Variants in PPIL2 observed in about 807,000 individuals in gnomAD.
The protein encoded by PPIL2 is peptidylprolyl isomerase like 2, also known as RING-type E3 ubiquitin-protein ligase PPIL2.
In PPIL2, 50 loss-of-function variants were observed where a neutral mutation model predicts 75.2. The observed-to-expected ratio is 0.66, with a 90% CI of 0.53 to 0.84. PPIL2 has a LOEUF of 0.84. Among genes scored for constraint, PPIL2 ranks in the 40% least tolerant of loss-of-function variants. PPIL2 has a pLI of 0.00. For synonymous variants in PPIL2, 245 were observed against 258.8 expected (o/e 0.95, Z 0.51); for missense variants, 590 against 685.0 (o/e 0.86, Z 1.55).
Position 21,687,550 on chromosome 22 carries a change from C to CAAAAAA in PPIL2, c.898-77_898-72dup, listed in dbSNP as rs36108489. ...CCTGGGCAACAGCAAGACTCCACCT[C>CAAAAAA]AAAAAAAAAAAAAAAAAAAAAGCCT... On this transcript the variant is annotated intron_variant, in intron 12 of 19. Coordinates refer to ENST00000398831, the MANE Select transcript of PPIL2 (RefSeq NM_014337.4). The CAAAAAA allele has an allele frequency of 4.2e-5, 13 of 306,530 alleles. 1 individual carries two copies. The highest frequency in any genetic ancestry group is 8.5e-4 in the Middle Eastern group (1 of 1,180). The allele number at this position is 306,530 out of a possible 1,614,324, so 19.0% of individuals were successfully genotyped here. A position where few individuals can be genotyped will look rare whatever the true frequency, so the allele number is the denominator to read the frequency against.
intron 6 of PPIL2, among the ~76,000 whole-genome samples, chr22:21,678,645 C>T (rs966336506): frequency 7.2e-5 from 11 of 152,228 alleles, no homozygotes; most frequent in Non-Finnish European, 1.5e-4. Flanking sequence ...CTGTGCAGTT[C>T]TGTCTTTGCT....
intron 15 of PPIL2, among the ~76,000 whole-genome samples, chr22:21,692,422 G>A (rs1426516977): frequency 7.2e-5 from 11 of 151,818 alleles, no homozygotes; most frequent in African/African-American, 2.4e-4. Context: ...CCAAAGTGCT[G>A]GGATTACAGG....
At chr22:21,693,898 TG>T (rs749056128) in intron 16 of PPIL2, 26 bp downstream of exon 16, 14 of 1,526,030 alleles carry the variant, frequency 9.2e-6, no homozygotes, top group Non-Finnish European at 1.3e-5. Flanking sequence ...GTGTGAAGCC[TG>T]GGGGGTCAGT....
chr22:21,675,227 T>G (rs2066789924), intron 6 of PPIL2, 112 bp downstream of exon 6: 6 of 1,059,506 alleles, frequency 5.7e-6, no homozygotes, highest in Middle Eastern at 2.3e-4. Flanking sequence ...GCTAGACACC[T>G]GCTTTTAATT....
chr22:21,688,791 A>G lies in PPIL2; in HGVS notation c.1081A>G (p.Thr361Ala). 6.2e-7 allele frequency: 1 copy of G among 1,614,142 alleles called. No individual in the cohort carries two copies. Among genetic ancestry groups the G allele is most frequent in the Non-Finnish European group, 8.5e-7 (1 of 1,180,026 alleles). ...KDEFRPNLSHTGRGILSMANS... is the reference protein window; with the variant it reads ...KDEFRPNLSHAGRGILSMANS... Reference sequence around the variant, plus strand: ...CGAGTTCCGGCCCAACCTCTCGCACACGGGCCGCGGCATCCTCAGCATGGC... The same window carrying G: ...CGAGTTCCGGCCCAACCTCTCGCACGCGGGCCGCGGCATCCTCAGCATGGC... Residue 361 changes from threonine (T) to alanine (A), a missense_variant, in exon 15 of 20, where the codon ACG becomes GCG. By Grantham distance (58) the Thr-to-Ala change is moderately conservative (BLOSUM62 0). Transcript: ENST00000398831.
intron 15 of PPIL2, among the ~76,000 whole-genome samples, chr22:21,690,959 T>C (rs915049527): frequency 4.7e-5 from 1 of 21,376 alleles, no homozygotes; most frequent in African/African-American, 2.1e-4. Context: ...CACCTTCTCT[T>C]TTTTTTTTTT....
rs140678400 is a variant in PPIL2 at position 21,667,965 on chromosome 22, C to T, written c.32+1834C>T. On this transcript the variant is annotated intron_variant, in intron 1 of 19. Coordinates refer to ENST00000398831, the MANE Select transcript of PPIL2 (RefSeq NM_014337.4). ...CTAATTTTTGTATTTTTAGTAGAGA[C>T]AGGTTTTCACTATGTTGGTCAGGCC... Among the ~76,000 whole-genome samples the T allele has an allele frequency of 7.6e-4, 115 of 151,700 alleles. 1 individual carries two copies. In the East Asian group the frequency reaches 0.019, roughly 25 times the overall value.
chr22:21,696,960 C>A lies in PPIL2; in HGVS notation c.*1470C>A. 1 of 1,571,500 alleles carries A rather than the reference C, an allele frequency of 6.4e-7. No homozygotes were observed. The highest frequency in any genetic ancestry group is 8.6e-7 in the Non-Finnish European group (1 of 1,158,758). On this transcript the variant is annotated 3_prime_UTR_variant, in exon 20 of 20. Transcript: ENST00000398831. ...CACCAATCTGTGGCCCTTCATCATG[C>A]TAAGAACAAGAACTGCGCCATGGCT... is the stretch of plus-strand genomic sequence containing the variant.
At chr22:21,691,909 A>G (rs962897498) in intron 15 of PPIL2, among the ~76,000 whole-genome samples, 1 of 152,170 alleles carries the variant, frequency 6.6e-6, no homozygotes, top group Admixed American at 6.5e-5. Flanking sequence ...TGGTGGGCTC[A>G]GGAGCGTGTC....
intron 6 of PPIL2, among the ~76,000 whole-genome samples, chr22:21,678,432 T>G (rs1388504990): frequency 6.6e-6 from 1 of 152,082 alleles, no homozygotes; most frequent in Admixed American, 6.5e-5. Flanking sequence ...GGTTTCACCA[T>G]GTTGGCCAGG....
In PPIL2 at chr22:21,694,497, G is replaced by A. The variant is rs537989490; in HGVS notation, c.1197-96G>A. The A allele has an allele frequency of 1.2e-4, 165 of 1,395,542 alleles. 4 individuals are homozygous for A. The highest frequency in any genetic ancestry group is 1.1e-3 in the South Asian group (92 of 81,154). 86.4% of individuals were successfully genotyped at this position (1,395,542 alleles called of 1,614,324 possible). ...GCCCAAGGACCACCAGGCCAGCCTC[G>A]GGGCTCTCAACCCCTCTTCCCACGT... On this transcript the variant is annotated intron_variant, in intron 16 of 19. Coordinates refer to ENST00000398831, the MANE Select transcript of PPIL2 (RefSeq NM_014337.4).
intron 6 of PPIL2, among the ~76,000 whole-genome samples, chr22:21,680,840 A>AAC (rs1358268903): frequency 6.8e-6 from 1 of 147,612 alleles, no homozygotes; most frequent in African/African-American, 2.5e-5. Flanking sequence ...AAAAAAAAAA[A>AAC]AAAAAAAAAA....
intron 15 of PPIL2, among the ~76,000 whole-genome samples, chr22:21,692,185 T>C (rs978984091): frequency 6.6e-6 from 1 of 151,444 alleles, no homozygotes; most frequent in African/African-American, 2.4e-5. Flanking sequence ...AGACGGAGTC[T>C]CGCTCCGTCC....
intron 11 of PPIL2, 108 bp from the exon 12 acceptor site, chr22:21,686,784 C>CAGAGCT (rs1252506478): frequency 2.5e-6 from 3 of 1,190,642 alleles, no homozygotes; most frequent in Non-Finnish European, 3.7e-6. Flanking sequence ...CTGCTCTCCC[C>CAGAGCT]AGAGCTGGAG....
At chr22:21,667,996 C>T (rs568741501) in intron 1 of PPIL2, among the ~76,000 whole-genome samples, 23 of 152,080 alleles carry the variant, frequency 1.5e-4, no homozygotes, top group Admixed American at 7.9e-4. Context: ...AGGCCGGTCT[C>T]GAACTCCTGA....
At chr22:21,683,380 T>C in intron 9 of PPIL2, 123 bp downstream of exon 9, 1 of 777,812 alleles carries the variant, frequency 1.3e-6, no homozygotes, top group South Asian at 1.6e-5. Context: ...AGGCCCTGCA[T>C]TTTCTGAACT....
chr22:21,678,522 C>T (rs924325894), intron 6 of PPIL2, among the ~76,000 whole-genome samples: 6 of 152,068 alleles, frequency 3.9e-5, no homozygotes, highest in Non-Finnish European at 7.4e-5. Flanking sequence ...TGAGCCACTG[C>T]GCCCCACCTG....
intron 6 of PPIL2, among the ~76,000 whole-genome samples, chr22:21,680,898 C>T (rs4821168): frequency 0.31 from 45,513 of 145,356 alleles, 7,232 homozygotes; most frequent in Non-Finnish European, 0.35. Context: ...AGGGGATGGG[C>T]GGTTCTGAAG....
rs1215032352 is a variant in PPIL2 at position 21,669,902 on chromosome 22, C to T, written c.33-11C>T. 13 of 1,612,948 alleles carry T rather than the reference C, an allele frequency of 8.1e-6. No homozygotes were observed. The highest frequency in any genetic ancestry group is 2.7e-5 in the African/African-American group (2 of 74,926). ...GTGGTGGTGGTAGCATTATCTTCCT[C>T]TCTTCTTCAGGTACATTACCTGTGC... On this transcript the variant is annotated splice_polypyrimidine_tract_variant and intron_variant, in intron 1 of 19. Transcript: ENST00000398831.
Sources: gnomAD v4.1 joint callset for allele counts (sites outside exome capture counted in the v4.1 genomes callset) on GRCh38, gnomAD v4.1.1 for gene constraint, MANE v1.5 for transcripts, NCBI Gene and HGNC (gene_info 2026-07-23, HGNC 2026-07-21) for gene names.